The following CR1 variants were observed in gnomAD, a reference collection of about 807,000 sequenced individuals.
The protein encoded by CR1 is complement C3b/C4b receptor 1 (Knops blood group), also known as complement receptor type 1.
CR1 carries 116 observed loss-of-function variants against 187.3 expected under a neutral mutation model. The observed-to-expected ratio is 0.62, with a 90% CI of 0.53 to 0.72. The LOEUF is 0.72. Ranked by LOEUF, CR1 falls within the 30% of genes least tolerant of loss-of-function variation. The pLI is 0.00. For missense variants in CR1, 1,731 were observed against 2,110.7 expected (o/e 0.82, Z 3.52); for synonymous variants, 576 against 747.1 (o/e 0.77, Z 3.73).
intron 27 of CR1, among the ~76,000 whole-genome samples, chr1:207,574,660 G>A (rs562094600): frequency 6.6e-6 from 1 of 152,276 alleles, no homozygotes; most frequent in South Asian, 2.1e-4. Flanking sequence ...ACTAGAAAAT[G>A]TGAGACAGCA....
chr1:207,524,110 G>C lies in CR1; in HGVS notation c.886+101G>C, dbSNP rs1641905350. The C allele has an allele frequency of 2.5e-6, 4 of 1,599,842 alleles. No homozygotes were observed. The South Asian group carries it at 3.3e-5, about 13-fold the overall frequency. On this transcript the variant is annotated intron_variant, in intron 5 of 46. Coordinates refer to ENST00000367049, the MANE Select transcript of CR1 (RefSeq NM_000651.6). ...CAGGGGGAGGGATGTGTGCTGAGCAGGGTCGAGGAGCAAATTTTCTAGGTA... is the reference window on the plus strand; with the variant it reads ...CAGGGGGAGGGATGTGTGCTGAGCACGGTCGAGGAGCAAATTTTCTAGGTA...
intron 5 of CR1, among the ~76,000 whole-genome samples, chr1:207,525,672 C>T (rs1416154540): frequency 1.3e-5 from 2 of 152,016 alleles, no homozygotes; most frequent in Non-Finnish European, 2.9e-5. Context: ...GGAAGATGAA[C>T]AATTGTAGTT....
At chr1:207,594,675 A>G (rs188490240) in intron 35 of CR1, among the ~76,000 whole-genome samples, 1 of 152,244 alleles carries the variant, frequency 6.6e-6, no homozygotes, top group Non-Finnish European at 1.5e-5. Flanking sequence ...ATATATATTA[A>G]ATTTTACTGC....
chr1:207,524,931 GA>G (rs1233143719), intron 5 of CR1, among the ~76,000 whole-genome samples: 6 of 152,036 alleles, frequency 3.9e-5, no homozygotes, highest in Non-Finnish European at 7.3e-5. Context: ...AATTTATAAA[GA>G]AAAGATGCTT....
rs1053518736 is a variant in CR1, at chr1:207,523,917, G to T, written c.794G>T (p.Arg265Met). 4 of 1,610,992 alleles carry T rather than the reference G, an allele frequency of 2.5e-6. No homozygotes were observed. Among genetic ancestry groups the T allele is most frequent in the Non-Finnish European group, 3.4e-6 (4 of 1,179,210 alleles). ...LFSLNEVVEF[R>M]CQPGFVMKGP... ...TCCTTAAATGAAGTTGTGGAGTTTA[G>T]GTGTCAGCCTGGCTTTGTCATGAAA... Residue 265 changes from arginine to methionine, a missense_variant, in exon 5 of 47, where the codon AGG becomes ATG. Physicochemically the swap from Arg to Met is moderately conservative, Grantham distance 91. Coordinates refer to ENST00000367049, the MANE Select transcript of CR1 (RefSeq NM_000651.6).
intron 45 of CR1, among the ~76,000 whole-genome samples, chr1:207,629,984 CAT>C (rs1490124868): frequency 6.6e-6 from 1 of 152,184 alleles, no homozygotes; most frequent in Admixed American, 6.5e-5. Flanking sequence ...ATTATTTACA[CAT>C]GATTGTTATT....
intron 4 of CR1, among the ~76,000 whole-genome samples, chr1:207,514,992 TATACACACACAC>T (rs1199747407): frequency 1.7e-5 from 2 of 116,200 alleles, no homozygotes; most frequent in African/African-American, 6.4e-5. Flanking sequence ...TATATATATA[TATACACACACAC>T]ACACACACAC....
intron 1 of CR1, among the ~76,000 whole-genome samples, chr1:207,497,940 T>G (rs928826953): frequency 3.3e-5 from 5 of 152,220 alleles, no homozygotes; most frequent in Non-Finnish European, 7.3e-5. Flanking sequence ...TTTGGAATTT[T>G]AAAGAAGTAT....
In CR1 at chr1:207,587,485, G is replaced by A. The variant is rs373049995; in HGVS notation, c.5630G>A (p.Arg1877His). 1.2e-4 allele frequency: 191 copies of A among 1,613,904 alleles called. 2 individuals carry two copies. Among genetic ancestry groups the A allele is most frequent in the African/African-American group, 1.1e-3 (86 of 75,042 alleles). ...GGGACATCTTTGAATTATGAATGCC[G>A]TCCTGGGTATTTTGGGAAAATGTTC... ...PVGTSLNYECRPGYFGKMFSI... is the reference protein window; with the variant it reads ...PVGTSLNYECHPGYFGKMFSI... Residue 1877 changes from arginine to histidine, a missense_variant, in exon 34 of 47, where the codon CGT becomes CAT. By Grantham distance (29) the Arg-to-His change is conservative. Coordinates refer to ENST00000367049, the MANE Select transcript of CR1 (RefSeq NM_000651.6).
At chr1:207,579,903 T>C (rs577292322) in intron 29 of CR1, among the ~76,000 whole-genome samples, 1 of 152,318 alleles carries the variant, frequency 6.6e-6, no homozygotes, top group East Asian at 1.9e-4. Context: ...GACTGTACTT[T>C]AGTCATTGGT....
intron 46 of CR1, among the ~76,000 whole-genome samples, chr1:207,637,042 C>T (rs756921655): frequency 6.6e-6 from 1 of 152,164 alleles, no homozygotes; most frequent in Non-Finnish European, 1.5e-5. Context: ...CTTACGATCT[C>T]GTTTCTAAAG....
Position 207,641,183 on chromosome 1 carries a change from A to T in CR1, c.*1774A>T, listed in dbSNP as rs1314021139. 6.6e-6 allele frequency: 1 copy of T among 152,222 alleles called. No homozygotes were observed. The highest frequency in any genetic ancestry group is 1.5e-5 in the Non-Finnish European group (1 of 68,050). The allele number at this position is 152,222 out of a possible 1,614,324, so 9.4% of individuals were successfully genotyped here. A position where few individuals can be genotyped will look rare whatever the true frequency, so the allele number is the denominator to read the frequency against. ...CTTTTATTTCTTGGGATTTTGAAGA[A>T]GTAATTTTTAAAGGAGGACTAGAAA... On this transcript the variant is annotated 3_prime_UTR_variant, in exon 47 of 47. Transcript: ENST00000367049.
At chr1:207,506,912 T>G in intron 3 of CR1, 99 bp downstream of exon 3, 2 of 934,034 alleles carry the variant, frequency 2.1e-6, no homozygotes, top group Middle Eastern at 2.2e-4. Flanking sequence ...ACTAAACTAT[T>G]ACCATCTGCT....
intron 28 of CR1, among the ~76,000 whole-genome samples, chr1:207,576,639 G>A (rs2102336676): frequency 6.6e-6 from 1 of 152,194 alleles, no homozygotes; most frequent in Non-Finnish European, 1.5e-5. Context: ...ACAACATGGT[G>A]AAATCATGTC....
intron 35 of CR1, among the ~76,000 whole-genome samples, chr1:207,602,607 A>T (rs1661636757): frequency 1.3e-5 from 2 of 152,124 alleles, no homozygotes; most frequent in Admixed American, 6.5e-5. Context: ...AAGGAAAAGA[A>T]CACTCGGCAT....
At chr1:207,504,551 A>G (rs956390393) in intron 1 of CR1, among the ~76,000 whole-genome samples, 3 of 152,156 alleles carry the variant, frequency 2.0e-5, no homozygotes, top group African/African-American at 7.2e-5. Context: ...AAGTATCTAG[A>G]AGATTTGAAT....
chr1:207,552,913 C>T, intron 19 of CR1, 62 bp downstream of exon 19: 1 of 506,484 alleles, frequency 2.0e-6, no homozygotes, highest in Non-Finnish European at 3.4e-6. Context: ...ACTTTCTAGC[C>T]ACATCTCAGC....
At position 207,523,933 on chromosome 1, in the gene CR1, T is replaced by C. The variant is rs201158082; in HGVS notation, c.810T>C (p.Phe270=). 1.2e-5 allele frequency: 19 copies of C among 1,611,320 alleles called. No homozygotes were observed. The highest frequency in any genetic ancestry group is 1.6e-5 in the Non-Finnish European group (19 of 1,179,460). The change falls in exon 5 of 47, where the codon TTT becomes TTC. Residue 270 remains phenylalanine, a synonymous_variant. Coordinates refer to ENST00000367049, the MANE Select transcript of CR1 (RefSeq NM_000651.6). ...EVVEFRCQPG[F]VMKGPRRVKC... ...TGGAGTTTAGGTGTCAGCCTGGCTT[T>C]GTCATGAAAGGACCCCGCCGTGTGA...
chr1:207,611,279 G>A (rs1292626091), intron 37 of CR1, among the ~76,000 whole-genome samples: 1 of 152,212 alleles, frequency 6.6e-6, no homozygotes, highest in African/African-American at 2.4e-5. Flanking sequence ...TCTGTTAGAT[G>A]AGACCTTGGC....
Sources: allele counts gnomAD v4.1 joint callset (sites outside exome capture counted in the v4.1 genomes callset), GRCh38; gene constraint gnomAD v4.1.1; transcripts MANE v1.5; gene names NCBI Gene and HGNC (gene_info 2026-07-23, HGNC 2026-07-21).